The following SH3GL3 variants were observed in gnomAD, a reference collection of about 807,000 sequenced individuals.
SH3GL3 encodes endophilin-A3.
Under a neutral mutation model 47.7 loss-of-function variants are expected in SH3GL3, and 33 were observed. The observed-to-expected ratio is 0.69, with a 90% CI of 0.52 to 0.92. The LOEUF is 0.92. Among genes scored for constraint, SH3GL3 ranks in the 40% least tolerant of loss-of-function variants. The pLI is 0.00. For synonymous variants in SH3GL3, 155 were observed against 148.8 expected, an observed-to-expected ratio of 1.04 and a Z score of -0.30; for missense variants, 363 against 417.8, an observed-to-expected ratio of 0.87 and a Z score of 1.14.
chr15:83,588,632 G>A (rs754525631), intron 7 of SH3GL3, 30 bp from the exon 8 acceptor site: 3 of 1,328,530 alleles, frequency 2.3e-6, no homozygotes, highest in African/African-American at 2.9e-5. Flanking sequence ...AACATCAGAT[G>A]TCTGGCTCAT....
At chr15:83,604,100 C>G (rs542959988) in intron 8 of SH3GL3, among the ~76,000 whole-genome samples, 1 of 151,874 alleles carries the variant, frequency 6.6e-6, no homozygotes, top group Non-Finnish European at 1.5e-5. Flanking sequence ...GAGCCGAGAT[C>G]GCACCATTGC....
At chr15:83,591,418 C>A (rs1321024395) in intron 8 of SH3GL3, among the ~76,000 whole-genome samples, 1 of 151,118 alleles carries the variant, frequency 6.6e-6, no homozygotes, top group East Asian at 1.9e-4. Context: ...ACACACATTG[C>A]TCATATAAGC....
At chr15:83,523,951 A>G (rs1297149158) in intron 1 of SH3GL3, among the ~76,000 whole-genome samples, 1 of 19,942 alleles carries the variant, frequency 5.0e-5, no homozygotes, top group East Asian at 9.8e-3. Flanking sequence ...GCAATCTAAA[A>G]AAAAAAAAAA....
At chr15:83,566,004 A>G (rs564645644) in intron 3 of SH3GL3, 2 of 152,308 alleles carry the variant, frequency 1.3e-5, no homozygotes, top group African/African-American at 4.8e-5. Context: ...CCATAAAAAT[A>G]TATCTTCTCC....
chr15:83,534,903 T>G (rs943940712), intron 1 of SH3GL3, among the ~76,000 whole-genome samples: 13 of 152,156 alleles, frequency 8.5e-5, no homozygotes, highest in African/African-American at 1.2e-4. Flanking sequence ...CTCATTGTAC[T>G]TTTGTAAAAG....
At chr15:83,595,318 A>T (rs1695969610) in intron 8 of SH3GL3, among the ~76,000 whole-genome samples, 1 of 152,162 alleles carries the variant, frequency 6.6e-6, no homozygotes, top group Admixed American at 6.5e-5. Flanking sequence ...ACATGGACAC[A>T]AAGAAGGGAA....
At chr15:83,544,265 C>T (rs1376432314) in intron 1 of SH3GL3, among the ~76,000 whole-genome samples, 1 of 152,036 alleles carries the variant, frequency 6.6e-6, no homozygotes, top group Non-Finnish European at 1.5e-5. Context: ...TCTTCATTGA[C>T]CCACTGGTCC....
intron 1 of SH3GL3, among the ~76,000 whole-genome samples, chr15:83,486,274 T>A (rs2151568296): frequency 6.6e-6 from 1 of 152,354 alleles, no homozygotes; most frequent in South Asian, 2.1e-4. Context: ...GTTAGCCATT[T>A]TAAGATGAAT....
chr15:83,599,235 G>A (rs2151826481), intron 8 of SH3GL3, among the ~76,000 whole-genome samples: 1 of 152,176 alleles, frequency 6.6e-6, no homozygotes, highest in East Asian at 1.9e-4. Context: ...AGGAACAGGT[G>A]GTATTTGGTT....
intron 2 of SH3GL3, among the ~76,000 whole-genome samples, chr15:83,563,018 C>T (rs981063020): frequency 9.2e-5 from 14 of 152,128 alleles, no homozygotes; most frequent in African/African-American, 3.1e-4. Context: ...TTAAAACTTT[C>T]CTGGGGCTCC....
At chr15:83,517,723 A>ATC (rs1450873034) in intron 1 of SH3GL3, among the ~76,000 whole-genome samples, 1 of 151,842 alleles carries the variant, frequency 6.6e-6, no homozygotes, top group Non-Finnish European at 1.5e-5. Context: ...TATTTTGCAG[A>ATC]TCTCTCTCTC....
chr15:83,582,772 C>T lies in SH3GL3; in HGVS notation c.625-4211C>T, dbSNP rs553599174. Among the ~76,000 whole-genome samples the T allele has an allele frequency of 2.0e-5, 3 of 152,288 alleles. No homozygotes were observed. In the East Asian group the frequency reaches 5.8e-4, roughly 29 times the overall value. On this transcript the variant is annotated intron_variant, in intron 6 of 8. Transcript: ENST00000427482. ...TGTTTCTGATTTTGTTTCTGCTAAG[C>T]CTCTGGGAAAATCATTTCACCTGAC...
intron 1 of SH3GL3, among the ~76,000 whole-genome samples, chr15:83,498,563 G>T (rs2042169844): frequency 6.6e-6 from 1 of 152,110 alleles, no homozygotes. Context: ...TTGTGCTAGG[G>T]ACTCACTCCA....
At chr15:83,527,342 G>A (rs1233465522) in intron 1 of SH3GL3, among the ~76,000 whole-genome samples, 1 of 152,088 alleles carries the variant, frequency 6.6e-6, no homozygotes, top group Non-Finnish European at 1.5e-5. Context: ...TTGTATTGGA[G>A]TCTAACTCTC....
intron 1 of SH3GL3, among the ~76,000 whole-genome samples, chr15:83,522,474 T>A (rs1432223798): frequency 6.6e-6 from 1 of 152,196 alleles, no homozygotes. Context: ...ACTTCTCTTC[T>A]CTGCACTGTT....
chr15:83,583,493 G>C (rs557391299), intron 6 of SH3GL3, among the ~76,000 whole-genome samples: 3 of 152,300 alleles, frequency 2.0e-5, no homozygotes, highest in South Asian at 4.1e-4. Context: ...ACAAGGCCAG[G>C]CCAATGGCTC....
intron 3 of SH3GL3, among the ~76,000 whole-genome samples, chr15:83,567,984 T>A (rs2045634000): frequency 6.6e-6 from 1 of 150,964 alleles, no homozygotes; most frequent in Admixed American, 6.6e-5. Context: ...TTTCTTTCTT[T>A]CTTTTTTTTT....
At chr15:83,591,453 C>T (rs1434838908) in intron 8 of SH3GL3, among the ~76,000 whole-genome samples, 1 of 146,044 alleles carries the variant, frequency 6.8e-6, no homozygotes, top group Non-Finnish European at 1.5e-5. Flanking sequence ...TTTCTTCCAA[C>T]CTTATGGCTA....
At chr15:83,449,074 G>C (rs2039599585) in intron 1 of SH3GL3, among the ~76,000 whole-genome samples, 1 of 152,202 alleles carries the variant, frequency 6.6e-6, no homozygotes, top group Non-Finnish European at 1.5e-5. Flanking sequence ...ATTTAAAAAT[G>C]TATGTGTAGA....
Sources: allele counts gnomAD v4.1 joint callset (sites outside exome capture counted in the v4.1 genomes callset), GRCh38; gene constraint gnomAD v4.1.1; transcripts MANE v1.5; gene names NCBI Gene and HGNC (gene_info 2026-07-23, HGNC 2026-07-21).